The following GABRB2 variants were observed in gnomAD, a reference collection of about 807,000 sequenced individuals.
The protein encoded by GABRB2 is gamma-aminobutyric acid receptor subunit beta-2.
A neutral mutation model predicts 54.7 loss-of-function variants in GABRB2; 16 were observed. That is an observed-to-expected ratio of 0.29 (90% confidence interval 0.20 to 0.44). GABRB2 has a LOEUF of 0.44. Ranked by LOEUF, GABRB2 falls within the 20% of genes least tolerant of loss-of-function variation. The pLI, the probability that GABRB2 is intolerant of heterozygous loss-of-function variation, is 1.00. For synonymous variants in GABRB2, 244 were observed against 233.8 expected (o/e 1.04, Z -0.40); for missense variants, 355 against 644.0 (o/e 0.55, Z 4.86).
chr5:161,347,769 T>C (rs1754361281), intron 5 of GABRB2, among the ~76,000 whole-genome samples: 1 of 152,144 alleles, frequency 6.6e-6, no homozygotes, highest in Non-Finnish European at 1.5e-5. Context: ...TTTTTTGTTT[T>C]AATCTACTAG....
chr5:161,508,399 T>C (rs142363282), intron 3 of GABRB2, among the ~76,000 whole-genome samples: 1 of 150,434 alleles, frequency 6.6e-6, no homozygotes, highest in East Asian at 1.9e-4. Flanking sequence ...AGCAATGTTG[T>C]CCCAATTTTA....
At chr5:161,474,867 G>A (rs1380376631) in intron 3 of GABRB2, among the ~76,000 whole-genome samples, 2 of 151,940 alleles carry the variant, frequency 1.3e-5, no homozygotes, top group African/African-American at 4.8e-5. Flanking sequence ...TCGATCAGGA[G>A]TTAATTTTAT....
At chr5:161,352,890 G>T (rs907108654) in intron 5 of GABRB2, among the ~76,000 whole-genome samples, 1 of 151,836 alleles carries the variant, frequency 6.6e-6, no homozygotes, top group African/African-American at 2.4e-5. Flanking sequence ...TGGCCACACG[G>T]TCTTAGTAGA....
At chr5:161,380,333 AGG>A (rs2113481959) in intron 5 of GABRB2, among the ~76,000 whole-genome samples, 1 of 152,290 alleles carries the variant, frequency 6.6e-6, no homozygotes, top group Non-Finnish European at 1.5e-5. Context: ...ATTGTCACCT[AGG>A]CCCTGGAAAG....
intron 3 of GABRB2, among the ~76,000 whole-genome samples, chr5:161,492,941 T>C (rs1759125473): frequency 6.6e-6 from 1 of 151,818 alleles, no homozygotes; most frequent in Non-Finnish European, 1.5e-5. Flanking sequence ...ACAGATTTTA[T>C]GTTTTTTCAA....
At chr5:161,462,570 G>A (rs1459904938) in intron 3 of GABRB2, among the ~76,000 whole-genome samples, 1 of 152,126 alleles carries the variant, frequency 6.6e-6, no homozygotes, top group African/African-American at 2.4e-5. Flanking sequence ...CCGTTTGGAA[G>A]GTGCTGAAGT....
chr5:161,378,904 G>C (rs1264776877), intron 5 of GABRB2, among the ~76,000 whole-genome samples: 2 of 152,140 alleles, frequency 1.3e-5, no homozygotes, highest in Admixed American at 6.6e-5. Context: ...TGTTGCAAAG[G>C]AGCACCTGCA....
intron 4 of GABRB2, among the ~76,000 whole-genome samples, chr5:161,437,258 G>C (rs1195100243): frequency 6.6e-6 from 1 of 151,734 alleles, no homozygotes; most frequent in Non-Finnish European, 1.5e-5. Flanking sequence ...TTGAGGAGAG[G>C]AGAGGAAGGA....
chr5:161,472,296 C>T (rs1169400915), intron 3 of GABRB2, among the ~76,000 whole-genome samples: 1 of 151,738 alleles, frequency 6.6e-6, no homozygotes, highest in Admixed American at 6.6e-5. Context: ...ACCATTAGCC[C>T]GTGTTCTTAG....
Position 161,288,570 on chromosome 5 carries a change from C to T in GABRB2, c.*5511G>A, listed in dbSNP as rs1340523131. 6.6e-6 allele frequency: 1 copy of T among 152,426 alleles called. No individual in the cohort carries two copies. Among genetic ancestry groups the T allele is most frequent in the Non-Finnish European group, 1.5e-5 (1 of 68,008 alleles). The allele number at this position is 152,426 out of a possible 1,614,324, so 9.4% of individuals were successfully genotyped here. Reference sequence around the variant, plus strand: ...TCTTATGTGCTATTCATTTATAATCCTCATTTTTTACTATCTCATGTATCC... The same window carrying T: ...TCTTATGTGCTATTCATTTATAATCTTCATTTTTTACTATCTCATGTATCC... On this transcript the variant is annotated 3_prime_UTR_variant, in exon 10 of 10. Transcript: ENST00000393959.
chr5:161,306,322 T>A (rs1355400364), intron 9 of GABRB2, among the ~76,000 whole-genome samples: 2 of 152,240 alleles, frequency 1.3e-5, no homozygotes, highest in Non-Finnish European at 2.9e-5. Context: ...CAACTTTTTC[T>A]CCCTGGAAGA....
At chr5:161,308,096 C>T (rs905153694) in intron 9 of GABRB2, among the ~76,000 whole-genome samples, 6 of 152,002 alleles carry the variant, frequency 3.9e-5, no homozygotes, top group Non-Finnish European at 8.8e-5. Context: ...CTCCTGACCT[C>T]GTGATCTGCC....
At chr5:161,405,082 G>C (rs1756308190) in intron 5 of GABRB2, among the ~76,000 whole-genome samples, 1 of 151,844 alleles carries the variant, frequency 6.6e-6, no homozygotes, top group Admixed American at 6.6e-5. Flanking sequence ...TTTGTCCTTA[G>C]GGTACACAGA....
At chr5:161,515,984 A>T (rs780528808) in intron 3 of GABRB2, among the ~76,000 whole-genome samples, 1 of 152,188 alleles carries the variant, frequency 6.6e-6, no homozygotes, top group Non-Finnish European at 1.5e-5. Context: ...CTGCTGCTTC[A>T]TGGAGGTTTG....
At chr5:161,417,574 G>A (rs1756716089) in intron 4 of GABRB2, among the ~76,000 whole-genome samples, 1 of 152,136 alleles carries the variant, frequency 6.6e-6, no homozygotes, top group South Asian at 2.1e-4. Context: ...TATACCAAAT[G>A]AGCTTAGAAA....
chr5:161,396,423 T>A (rs934377998), intron 5 of GABRB2, among the ~76,000 whole-genome samples: 1 of 152,220 alleles, frequency 6.6e-6, no homozygotes, highest in African/African-American at 2.4e-5. Flanking sequence ...AGCATTCTCC[T>A]CATCTCTGGT....
At chr5:161,447,331 G>T (rs1757663566) in intron 4 of GABRB2, among the ~76,000 whole-genome samples, 1 of 152,146 alleles carries the variant, frequency 6.6e-6, no homozygotes, top group African/African-American at 2.4e-5. Context: ...AAAATGCACA[G>T]ATGCCTCCTA....
intron 3 of GABRB2, among the ~76,000 whole-genome samples, chr5:161,470,611 C>T (rs766522646): frequency 1.3e-5 from 2 of 151,874 alleles, no homozygotes; most frequent in African/African-American, 2.4e-5. Context: ...GCAGATAACA[C>T]AGACAGCACG....
At chr5:161,403,262 C>T (rs1325227849) in intron 5 of GABRB2, among the ~76,000 whole-genome samples, 1 of 152,062 alleles carries the variant, frequency 6.6e-6, no homozygotes, top group African/African-American at 2.4e-5. Flanking sequence ...CCCATTTCCT[C>T]CTAGGAGTGA....
Sources: allele counts gnomAD v4.1 joint callset (sites outside exome capture counted in the v4.1 genomes callset), GRCh38; gene constraint gnomAD v4.1.1; transcripts MANE v1.5; gene names NCBI Gene and HGNC (gene_info 2026-07-23, HGNC 2026-07-21).